Variants in AOPEP observed in about 807,000 individuals in gnomAD.
The protein encoded by AOPEP is aminopeptidase O.
In AOPEP, 77 loss-of-function variants were observed where a neutral mutation model predicts 98.1. The ratio of observed to expected loss-of-function variants is 0.78; its 90% confidence interval spans 0.65 to 0.95. AOPEP has a LOEUF of 0.95. Ranked by LOEUF, AOPEP falls within the 40% of genes least tolerant of loss-of-function variation. AOPEP has a pLI of 0.00. For missense variants in AOPEP, 1,024 were observed against 1,024.7 expected (o/e 1.00, Z 0.01); for synonymous variants, 346 against 365.3 (o/e 0.95, Z 0.60).
chr9:95,083,309 CCA>C (rs1269951114), intron 16 of AOPEP, among the ~76,000 whole-genome samples: 1 of 143,484 alleles, frequency 7.0e-6, no homozygotes. Context: ...CACACACACA[CCA>C]GAGGACGCAC....
At chr9:94,801,072 T>C (rs1322653308) in intron 5 of AOPEP, 70 bp downstream of exon 5, 1 of 1,551,524 alleles carries the variant, frequency 6.4e-7, no homozygotes, top group East Asian at 2.3e-5. Context: ...CTTGCTTTCC[T>C]TGAGCTCTGT....
At chr9:95,048,986 C>A (rs1158469858) in intron 13 of AOPEP, 1 of 152,234 alleles carries the variant, frequency 6.6e-6, no homozygotes, top group Non-Finnish European at 1.5e-5. Context: ...CCTGCACTGC[C>A]GCCGGGAGAA....
At chr9:94,999,377 C>T (rs1410199505) in intron 11 of AOPEP, among the ~76,000 whole-genome samples, 1 of 152,144 alleles carries the variant, frequency 6.6e-6, no homozygotes. Flanking sequence ...GGTCACAGAA[C>T]TCCAAGCTTT....
intron 1 of AOPEP, among the ~76,000 whole-genome samples, chr9:94,753,112 A>C (rs1359453296): frequency 6.6e-6 from 1 of 152,200 alleles, no homozygotes; most frequent in Non-Finnish European, 1.5e-5. Context: ...GATGTAGAAG[A>C]GTGGCCCAGC....
At chr9:94,847,152 A>ACACACACACACACACACACT (rs1448564968) in intron 5 of AOPEP, among the ~76,000 whole-genome samples, 4,928 of 140,418 alleles carry the variant, frequency 0.035, 119 homozygotes, top group East Asian at 0.053. Context: ...ACACACACAC[A>ACACACACACACACACACACT]CTCTCTCTGT....
At chr9:94,931,829 C>A in intron 7 of AOPEP, 1 of 1,532,734 alleles carries the variant, frequency 6.5e-7, no homozygotes, top group East Asian at 2.5e-5. Context: ...ACTTTCTCCT[C>A]CTGGCTTCTG....
intron 13 of AOPEP, among the ~76,000 whole-genome samples, chr9:95,059,844 C>T (rs2067168903): frequency 6.6e-6 from 1 of 152,166 alleles, no homozygotes; most frequent in Admixed American, 6.5e-5. Flanking sequence ...TCACTTCCTA[C>T]AAGGCATATC....
intron 5 of AOPEP, among the ~76,000 whole-genome samples, chr9:94,810,603 C>T (rs572894462): frequency 1.3e-5 from 2 of 151,808 alleles, no homozygotes; most frequent in Non-Finnish European, 2.9e-5. Flanking sequence ...GCGTCAGCCA[C>T]TGCGCCTGGC....
At chr9:94,741,463 G>T (rs368013202) in intron 1 of AOPEP, among the ~76,000 whole-genome samples, 7 of 151,998 alleles carry the variant, frequency 4.6e-5, no homozygotes, top group African/African-American at 1.7e-4. Context: ...AGTAGAGACT[G>T]GGTTTCACCG....
intron 5 of AOPEP, among the ~76,000 whole-genome samples, chr9:94,815,292 G>A (rs1851459368): frequency 6.6e-6 from 1 of 152,154 alleles, no homozygotes. Flanking sequence ...TAGTTTCCTA[G>A]CCTGCAGTTC....
chr9:94,807,432 T>A (rs539125463), intron 5 of AOPEP, among the ~76,000 whole-genome samples: 9 of 152,280 alleles, frequency 5.9e-5, no homozygotes, highest in Admixed American at 5.9e-4. Flanking sequence ...TGTCAGGCCT[T>A]TGAAAGGCCT....
chr9:95,132,821 TACAACCTGTACC>T, the AOPEP span, among the ~76,000 whole-genome samples: 1 of 152,266 alleles, frequency 6.6e-6, no homozygotes, highest in African/African-American at 2.4e-5. Flanking sequence ...TTTCACTTTG[TACAACCTGTACC>T]ACACTTTTAT....
At chr9:94,885,156 C>T (rs1304095503) in intron 5 of AOPEP, among the ~76,000 whole-genome samples, 7 of 151,614 alleles carry the variant, frequency 4.6e-5, no homozygotes, top group Non-Finnish European at 8.8e-5. Context: ...ATAGACTAGC[C>T]TAGGCAACAT....
At chr9:95,123,568 C>T in the AOPEP span, 1 of 562,520 alleles carries the variant, frequency 1.8e-6, no homozygotes, top group Non-Finnish European at 3.5e-6. Context: ...AGGGCCGCGG[C>T]CACGTGCAGC....
intron 1 of AOPEP, among the ~76,000 whole-genome samples, chr9:94,735,945 A>G (rs1831658228): frequency 6.6e-6 from 1 of 152,062 alleles, no homozygotes; most frequent in East Asian, 1.9e-4. Flanking sequence ...TCCTTCTTTC[A>G]CGTCTCACGG....
chr9:95,049,681 C>T (rs983873311), intron 13 of AOPEP, among the ~76,000 whole-genome samples: 14 of 152,170 alleles, frequency 9.2e-5, no homozygotes, highest in African/African-American at 3.1e-4. Flanking sequence ...AATTCTAAAA[C>T]TTAACCATTT....
chr9:94,975,819 C>A (rs72750349), intron 10 of AOPEP, among the ~76,000 whole-genome samples: 7,087 of 152,294 alleles, frequency 0.047, 458 homozygotes, highest in African/African-American at 0.14. Context: ...AAAGGCAGGG[C>A]CCGGTAGCAG....
the AOPEP span, among the ~76,000 whole-genome samples, chr9:95,103,430 T>C: frequency 6.6e-6 from 1 of 152,264 alleles, no homozygotes; most frequent in African/African-American, 2.4e-5. Context: ...TCTAGCTAAC[T>C]TTTGCTGTTG....
chr9:94,888,138 G>A (rs1032117657), intron 5 of AOPEP, among the ~76,000 whole-genome samples: 5 of 152,126 alleles, frequency 3.3e-5, no homozygotes, highest in African/African-American at 9.7e-5. Context: ...GAAAATAAGC[G>A]AGAAAATCTC....
Sources: gnomAD v4.1 joint callset for allele counts (sites outside exome capture counted in the v4.1 genomes callset) on GRCh38, gnomAD v4.1.1 for gene constraint, MANE v1.5 for transcripts, NCBI Gene and HGNC (gene_info 2026-07-23, HGNC 2026-07-21) for gene names.